Variants in RAB6A observed in about 807,000 individuals in gnomAD.
RAB6A encodes RAB6A, member RAS oncogene family.
RAB6A carries 8 observed loss-of-function variants against 32.3 expected under a neutral mutation model. The ratio of observed to expected loss-of-function variants is 0.25; its 90% CI spans 0.15 to 0.45. The LOEUF (loss-of-function observed/expected upper bound fraction) is 0.45. Ranked by LOEUF, RAB6A falls within the 20% of genes least tolerant of loss-of-function variation. The probability of loss-of-function intolerance (pLI) is 1.00; values close to 1 mark genes in which losing one functional copy is unlikely to be tolerated. For missense variants in RAB6A, 104 were observed against 249.4 expected (o/e 0.42, Z 3.93); for synonymous variants, 73 against 82.1 (o/e 0.89, Z 0.60).
chr11:73,687,407 C>G (rs1007148114), intron 6 of RAB6A, among the ~76,000 whole-genome samples: 12 of 152,186 alleles, frequency 7.9e-5, no homozygotes, highest in Non-Finnish European at 1.5e-4. Flanking sequence ...TAGGCACAAA[C>G]TCTTGGGCTC....
At chr11:73,759,805 A>G (rs1253622524) in intron 1 of RAB6A, among the ~76,000 whole-genome samples, 1 of 152,184 alleles carries the variant, frequency 6.6e-6, no homozygotes, top group Non-Finnish European at 1.5e-5. Flanking sequence ...AGATTGAAAA[A>G]TCATCAACAT....
rs559595424 is a variant in RAB6A, at chr11:73,744,210, C to T, written c.71-13387G>A. 4.0e-5 allele frequency among the ~76,000 whole-genome samples: 6 copies of T among 151,480 alleles called. No homozygotes were observed. The East Asian group carries it at 7.8e-4, about 20-fold the overall frequency. ...AAAATTAGCCGGGCATGGTGGTGGG[C>T]GCCTGTAGTCCCAGCTACTCGGGAG... On this transcript the variant is annotated intron_variant, in intron 1 of 7. Coordinates refer to ENST00000336083, the MANE Select transcript of RAB6A (RefSeq NM_198896.2).
At chr11:73,755,582 C>G (rs1025412553) in intron 1 of RAB6A, among the ~76,000 whole-genome samples, 1 of 152,126 alleles carries the variant, frequency 6.6e-6, no homozygotes, top group Non-Finnish European at 1.5e-5. Flanking sequence ...CGTGAGCCAC[C>G]GCACCCGGCC....
At chr11:73,703,792 G>A (rs1036429934) in intron 6 of RAB6A, among the ~76,000 whole-genome samples, 2 of 149,878 alleles carry the variant, frequency 1.3e-5, no homozygotes, top group African/African-American at 4.9e-5. Context: ...AAGAAGGGCT[G>A]GGCGCCGTGG....
intron 1 of RAB6A, among the ~76,000 whole-genome samples, chr11:73,756,361 AAAC>A (rs575768655): frequency 2.0e-5 from 3 of 152,148 alleles, no homozygotes; most frequent in South Asian, 2.1e-4. Flanking sequence ...CTCAAAAGAA[AAAC>A]AACTGGTCAG....
At chr11:73,685,593 T>TCTTTTTTTTTTTTTTTTTTTTAA (rs1555054180) in intron 6 of RAB6A, among the ~76,000 whole-genome samples, 1 of 146,968 alleles carries the variant, frequency 6.8e-6, no homozygotes, top group African/African-American at 2.5e-5. Context: ...GGACTGAAAG[T>TCTTTTTTTTTTTTTTTTTTTTAA]AGCGACCAGG....
At chr11:73,754,988 T>C (rs1195728462) in intron 1 of RAB6A, among the ~76,000 whole-genome samples, 2 of 151,968 alleles carry the variant, frequency 1.3e-5, no homozygotes, top group African/African-American at 2.4e-5. Flanking sequence ...AATGGCGTGA[T>C]CTTGGCTCAC....
intron 1 of RAB6A, among the ~76,000 whole-genome samples, chr11:73,752,495 A>G (rs981343835): frequency 1.3e-5 from 2 of 152,202 alleles, no homozygotes; most frequent in African/African-American, 2.4e-5. Flanking sequence ...AGGAACATTC[A>G]GAAGATGAAC....
At chr11:73,731,719 T>C (rs1565370039) in intron 1 of RAB6A, among the ~76,000 whole-genome samples, 14 of 11,002 alleles carry the variant, frequency 1.3e-3, no homozygotes, top group Admixed American at 2.9e-3. Flanking sequence ...TATATATATA[T>C]ATATATATAT....
intron 6 of RAB6A, among the ~76,000 whole-genome samples, chr11:73,693,941 A>C (rs909984206): frequency 1.2e-4 from 18 of 151,990 alleles, no homozygotes; most frequent in African/African-American, 3.9e-4. Flanking sequence ...TTTAACTTTG[A>C]AAGTTATTAG....
rs1230666983 is a variant in RAB6A, at chr11:73,679,791, T to C, written c.496-71A>G. On this transcript the variant is annotated intron_variant, in intron 6 of 7. Transcript: ENST00000336083. ...AAAGGGTACTGAGGTTTATGATCAC[T>C]GTACAGTGAGCTGTCTAATGCTGGG... 5.0e-6 allele frequency: 8 copies of C among 1,584,484 alleles called. No homozygotes were observed. The Admixed American group carries it at 1.2e-4, about 23-fold the overall frequency.
chr11:73,716,017 C>A (rs569821168), intron 5 of RAB6A, among the ~76,000 whole-genome samples: 63 of 152,312 alleles, frequency 4.1e-4, no homozygotes, highest in Non-Finnish European at 7.8e-4. Flanking sequence ...TCTAAACAAA[C>A]TTGCACAAGA....
Position 73,744,700 on chromosome 11 carries a change from G to C in RAB6A, c.71-13877C>G, listed in dbSNP as rs753724199. On this transcript the variant is annotated intron_variant, in intron 1 of 7. Coordinates refer to ENST00000336083, the MANE Select transcript of RAB6A (RefSeq NM_198896.2). ...AAGTTCAAAATAAGCACTGGGGCTGGGCGCGGTGGCTTACGCCTGTAATCC... is the reference window on the plus strand; with the variant it reads ...AAGTTCAAAATAAGCACTGGGGCTGCGCGCGGTGGCTTACGCCTGTAATCC... Among the ~76,000 whole-genome samples the C allele has an allele frequency of 3.3e-5, 5 of 152,270 alleles. No homozygotes were observed. In the Middle Eastern group the frequency reaches 0.01, roughly 311 times the overall value.
Position 73,677,392 on chromosome 11 carries a change from A to G in RAB6A, c.*506T>C. ...CAAGTGGTATCTGTAAAATTAAAGG[A>G]TAATTCCAATGGGCTTGGTAGAACT... On this transcript the variant is annotated 3_prime_UTR_variant, in exon 8 of 8. Coordinates refer to ENST00000336083, the MANE Select transcript of RAB6A (RefSeq NM_198896.2). 5.5e-6 allele frequency: 1 copy of G among 180,962 alleles called. No homozygotes were observed. Among genetic ancestry groups the G allele is most frequent in the Non-Finnish European group, 1.3e-5 (1 of 77,450 alleles). 11.2% of individuals were successfully genotyped at this position (180,962 alleles called of 1,614,324 possible). A position where few individuals can be genotyped will look rare whatever the true frequency, so the allele number is the denominator to read the frequency against.
chr11:73,742,425 A>G (rs563096000), intron 1 of RAB6A, among the ~76,000 whole-genome samples: 38 of 152,210 alleles, frequency 2.5e-4, no homozygotes, highest in Non-Finnish European at 4.4e-4. Flanking sequence ...GGCGTGATCC[A>G]CCACACGCAG....
chr11:73,743,122 C>A (rs1052518503), intron 1 of RAB6A, among the ~76,000 whole-genome samples: 1 of 151,742 alleles, frequency 6.6e-6, no homozygotes, highest in Non-Finnish European at 1.5e-5. Flanking sequence ...ATAGTGAAAC[C>A]CCATCTCTAC....
intron 1 of RAB6A, chr11:73,760,162 A>T: frequency 3.3e-6 from 4 of 1,230,072 alleles, no homozygotes; most frequent in Non-Finnish European, 4.3e-6. Flanking sequence ...GGCTTCCCTG[A>T]GTGGGCCTCA....
chr11:73,743,377 CCTT>C (rs1946531687), intron 1 of RAB6A, among the ~76,000 whole-genome samples: 1 of 151,764 alleles, frequency 6.6e-6, no homozygotes, highest in African/African-American at 2.4e-5. Flanking sequence ...GCAGAGGTAT[CCTT>C]CTTCAATTTA....
intron 1 of RAB6A, among the ~76,000 whole-genome samples, chr11:73,759,896 G>A (rs1166816809): frequency 1.3e-5 from 2 of 152,072 alleles, no homozygotes; most frequent in Non-Finnish European, 2.9e-5. Flanking sequence ...CTAACCTAAG[G>A]GGCAAAAATC....
Sources: gnomAD v4.1 joint callset for allele counts (sites outside exome capture counted in the v4.1 genomes callset) on GRCh38, gnomAD v4.1.1 for gene constraint, MANE v1.5 for transcripts, NCBI Gene and HGNC (gene_info 2026-07-23, HGNC 2026-07-21) for gene names.